The following RAB3GAP2 variants were observed in gnomAD, a reference collection of about 807,000 sequenced individuals.
RAB3GAP2 encodes RAB3 GTPase activating non-catalytic protein subunit 2.
In RAB3GAP2, 87 loss-of-function variants were observed where a neutral mutation model predicts 185.3. The ratio of observed to expected loss-of-function variants is 0.47; its 90% CI spans 0.39 to 0.56. RAB3GAP2 has a LOEUF of 0.56. Ranked by LOEUF, RAB3GAP2 falls within the 20% of genes least tolerant of loss-of-function variation. The probability of loss-of-function intolerance (pLI) is 0.00; values close to 1 mark genes in which losing one functional copy is unlikely to be tolerated. For synonymous variants in RAB3GAP2, 554 were observed against 576.1 expected (o/e 0.96, Z 0.55); for missense variants, 1,492 against 1,638.2 (o/e 0.91, Z 1.54).
At chr1:220,193,981 G>A (rs904238818) in intron 12 of RAB3GAP2, among the ~76,000 whole-genome samples, 3 of 151,984 alleles carry the variant, frequency 2.0e-5, no homozygotes, top group Admixed American at 6.6e-5. Context: ...TATTAGAGAC[G>A]CACAGGGCCA....
intron 5 of RAB3GAP2, 31 bp from the exon 6 acceptor site, chr1:220,210,907 A>G (rs766395656): frequency 6.2e-6 from 10 of 1,613,504 alleles, no homozygotes; most frequent in Middle Eastern, 1.6e-4. Flanking sequence ...TATCTTAACA[A>G]CTCATAAATC....
intron 1 of RAB3GAP2, among the ~76,000 whole-genome samples, chr1:220,243,365 A>C (rs949113856): frequency 3.0e-4 from 45 of 152,076 alleles, no homozygotes; most frequent in Non-Finnish European, 1.0e-4. Context: ...AAAAAAAAAA[A>C]AAAAACATAA....
chr1:220,210,804 A>T lies in RAB3GAP2; in HGVS notation c.507T>A (p.Thr169=). ...AGCTGTTGAAAACTCAACTCACCTC[A>T]GTGTAGAAGCGTACATAACCTGAAG... ...GFTSGYVRFY[T]ENGVLLLAQL... The change falls in exon 6 of 35, where the codon ACT becomes ACA. Residue 169 remains threonine, a synonymous_variant. Transcript: ENST00000358951. 1 of 1,612,786 alleles carries T rather than the reference A, an allele frequency of 6.2e-7. No individual in the cohort carries two copies. Among genetic ancestry groups the T allele is most frequent in the Non-Finnish European group, 8.5e-7 (1 of 1,179,260 alleles).
At position 220,153,359 on chromosome 1, in the gene RAB3GAP2, G is replaced by A. The variant is rs1038548323; in HGVS notation, c.3693C>T (p.Ala1231=). The change falls in exon 33 of 35, where the codon GCC becomes GCT. Residue 1231 remains alanine (A), a synonymous_variant. Transcript: ENST00000358951. ...VSAAVQAQHS[A]TKVKDPTEEA... ...CTTCTGTGGGATCTTTGACCTTTGT[G>A]GCTGAATGTTGGGCCTGGACAGCTG... 9 of 1,614,006 alleles carry A rather than the reference G, an allele frequency of 5.6e-6. No homozygotes were observed. Among genetic ancestry groups the A allele is most frequent in the South Asian group, 1.1e-5 (1 of 91,084 alleles).
chr1:220,156,671 A>G (rs922522220), intron 31 of RAB3GAP2, among the ~76,000 whole-genome samples: 2 of 152,204 alleles, frequency 1.3e-5, no homozygotes, highest in Non-Finnish European at 2.9e-5. Flanking sequence ...TGCCTGAACT[A>G]GGGTTATAGT....
At chr1:220,195,451 T>G in intron 10 of RAB3GAP2, 74 bp from the exon 11 acceptor site, 1 of 1,340,282 alleles carries the variant, frequency 7.5e-7, no homozygotes, top group Admixed American at 1.7e-5. Flanking sequence ...AAATAAAGCT[T>G]ACTTTAAAAT....
At position 220,252,920 on chromosome 1, in the gene RAB3GAP2, C is replaced by T. The variant is rs181018552; in HGVS notation, c.115+19303G>A. On this transcript the variant is annotated intron_variant, in intron 1 of 34. Transcript: ENST00000358951. The stretch of plus-strand genomic sequence containing the variant: ...GAGCCAAGCAGCATTGTTTTGTGGG[C>T]CCCACTTCCACGGCACCTCACAAGT... Among the ~76,000 whole-genome samples the T allele has an allele frequency of 2.7e-3, 418 of 152,272 alleles. 2 individuals are homozygous for T. Among genetic ancestry groups the T allele is most frequent in the African/African-American group, 9.8e-3 (406 of 41,556 alleles).
chr1:220,168,652 G>A (rs1006773825), intron 24 of RAB3GAP2, among the ~76,000 whole-genome samples: 4 of 151,804 alleles, frequency 2.6e-5, no homozygotes, highest in Non-Finnish European at 4.4e-5. Flanking sequence ...CTGCCTCAGC[G>A]TCCCAAAATG....
intron 20 of RAB3GAP2, 119 bp downstream of exon 20, chr1:220,182,599 T>G: frequency 8.4e-7 from 1 of 1,194,080 alleles, no homozygotes; most frequent in Non-Finnish European, 1.1e-6. Flanking sequence ...ATACAGTACA[T>G]TAAATCCTTT....
chr1:220,153,815 T>C, intron 32 of RAB3GAP2, 153 bp downstream of exon 32: 1 of 956,044 alleles, frequency 1.0e-6, no homozygotes. Context: ...AGTGTTCTCA[T>C]TGTTCAACTC....
At chr1:220,162,356 C>T (rs928738466) in intron 27 of RAB3GAP2, 88 bp from the exon 28 acceptor site, 1 of 840,790 alleles carries the variant, frequency 1.2e-6, no homozygotes, top group African/African-American at 1.7e-5. Flanking sequence ...GCTTATTAAA[C>T]TATATAGACT....
In RAB3GAP2 at chr1:220,155,224, C is replaced by A. The variant is rs146731943; in HGVS notation, c.3556-1167G>T. 1.2e-3 allele frequency among the ~76,000 whole-genome samples: 179 copies of A among 152,362 alleles called. 1 individual carries two copies. Among genetic ancestry groups the A allele is most frequent in the African/African-American group, 4.2e-3 (174 of 41,580 alleles). ...CTAGTCCAAGGCTCACCACTTCCAT[C>A]CAGGTTGCCTTGGGTAAATGACCCA... On this transcript the variant is annotated intron_variant, in intron 31 of 34. Coordinates refer to ENST00000358951, the MANE Select transcript of RAB3GAP2 (RefSeq NM_012414.4).
intron 1 of RAB3GAP2, among the ~76,000 whole-genome samples, chr1:220,253,085 T>G (rs1659968584): frequency 6.6e-6 from 1 of 152,188 alleles, no homozygotes; most frequent in Admixed American, 6.5e-5. Flanking sequence ...GCCTGCTGGC[T>G]GTGGAGAATA....
At chr1:220,153,575 T>C in intron 32 of RAB3GAP2, 169 bp from the exon 33 acceptor site, 1 of 509,774 alleles carries the variant, frequency 2.0e-6, no homozygotes, top group Non-Finnish European at 3.4e-6. Context: ...AAGAATACTT[T>C]GAAATTGGTC....
chr1:220,267,306 G>A (rs1660245858), intron 1 of RAB3GAP2: 7 of 967,242 alleles, frequency 7.2e-6, no homozygotes, highest in Non-Finnish European at 1.2e-5. Flanking sequence ...GGTAGACTCT[G>A]GTGGCATCAT....
chr1:220,185,872 G>A, intron 17 of RAB3GAP2, 131 bp from the exon 18 acceptor site: 1 of 673,714 alleles, frequency 1.5e-6, no homozygotes, highest in African/African-American at 1.8e-5. Flanking sequence ...ATGTTTTAGT[G>A]TACATATATT....
At chr1:220,154,104 G>C in intron 31 of RAB3GAP2, 47 bp from the exon 32 acceptor site, 5 of 1,593,494 alleles carry the variant, frequency 3.1e-6, no homozygotes, top group Non-Finnish European at 4.3e-6. Context: ...GATTATTAAG[G>C]GGGGAGAGGG....
Position 220,195,184 on chromosome 1 carries a change from C to T in RAB3GAP2, c.1041-17G>A. 6.2e-7 allele frequency: 1 copy of T among 1,613,648 alleles called. No homozygotes were observed. The highest frequency in any genetic ancestry group is 8.5e-7 in the Non-Finnish European group (1 of 1,179,616). Reference sequence around the variant, plus strand: ...AGCCAACCACTGAAAAGAAAGAAAACTTAGAATATAAAACTGAGCTTCCAG... The same window carrying T: ...AGCCAACCACTGAAAAGAAAGAAAATTTAGAATATAAAACTGAGCTTCCAG... On this transcript the variant is annotated splice_polypyrimidine_tract_variant and intron_variant, in intron 11 of 34. Transcript: ENST00000358951.
rs1657896094 is a variant in RAB3GAP2, at chr1:220,158,260, A to C, written c.3262-384T>G. 6.6e-6 allele frequency among the ~76,000 whole-genome samples: 1 copy of C among 152,118 alleles called. No individual in the cohort carries two copies. The highest frequency in any genetic ancestry group is 2.4e-5 in the African/African-American group (1 of 41,416). ...ACACACATGAGAATCTAACCTGAAA[A>C]GCTCCAAGAAAACAGCCTGGTCTGC... On this transcript the variant is annotated intron_variant, in intron 29 of 34. Transcript: ENST00000358951. This position sits in a 1 kb window ranked among gnomAD's most constrained non-coding sequence, Gnocchi z 4.3.
Sources: allele counts gnomAD v4.1 joint callset (sites outside exome capture counted in the v4.1 genomes callset), GRCh38; gene constraint gnomAD v4.1.1; non-coding constraint Gnocchi (gnomAD v3.1); transcripts MANE v1.5; gene names NCBI Gene and HGNC (gene_info 2026-07-23, HGNC 2026-07-21).